PARD3B: variants seen among roughly 807,000 people sequenced by gnomAD.
The protein encoded by PARD3B is partitioning defective 3 homolog B.
PARD3B carries 103 observed loss-of-function variants against 130.2 expected under a neutral mutation model. The ratio of observed to expected loss-of-function variants is 0.79; its 90% CI spans 0.67 to 0.93. The LOEUF is 0.93. Ranked by LOEUF, PARD3B falls within the 40% of genes least tolerant of loss-of-function variation. PARD3B has a pLI of 0.00. For missense variants in PARD3B, 1,609 were observed against 1,499.2 expected (o/e 1.07, Z -1.21); for synonymous variants, 583 against 553.2 (o/e 1.05, Z -0.76).
At chr2:205,385,582 A>G (rs571177098) in intron 18 of PARD3B, among the ~76,000 whole-genome samples, 2 of 152,230 alleles carry the variant, frequency 1.3e-5, no homozygotes, top group East Asian at 3.9e-4. Flanking sequence ...ATTCTACTTC[A>G]TCTACCAAGT....
chr2:205,501,936 G>A (rs919576521), intron 21 of PARD3B, among the ~76,000 whole-genome samples: 1 of 152,070 alleles, frequency 6.6e-6, no homozygotes, highest in Non-Finnish European at 1.5e-5. Flanking sequence ...CCATGCTCCG[G>A]TGTGTTGAGC....
intron 16 of PARD3B, among the ~76,000 whole-genome samples, chr2:205,272,645 G>C (rs1002294120): frequency 1.3e-5 from 2 of 152,158 alleles, no homozygotes; most frequent in South Asian, 2.1e-4. Flanking sequence ...CTGGCCTCCT[G>C]CGTCTCCATC....
rs1242541799 is a variant in PARD3B, at chr2:204,620,108, TC to T, written c.121-66072del. ...CCTCTGCCTCCTGGGTTCAAGCAAT[TC>T]TCCTGCCACAGCCTCCCAAGTAGCT... On this transcript the variant is annotated intron_variant, in intron 1 of 22. Coordinates refer to ENST00000406610, the MANE Select transcript of PARD3B (RefSeq NM_001302769.2). 1.6e-4 allele frequency among the ~76,000 whole-genome samples: 24 copies of T among 152,198 alleles called. No homozygotes were observed. In the East Asian group the frequency reaches 4.5e-3, roughly 28 times the overall value.
chr2:205,516,707 T>A (rs2050804755), intron 21 of PARD3B, among the ~76,000 whole-genome samples: 1 of 152,188 alleles, frequency 6.6e-6, no homozygotes, highest in African/African-American at 2.4e-5. Context: ...AATCATATCG[T>A]CTGCAAACAG....
At chr2:205,048,366 C>T (rs1698946565) in intron 4 of PARD3B, 1 of 152,134 alleles carries the variant, frequency 6.6e-6, no homozygotes, top group Non-Finnish European at 1.5e-5. Context: ...AGAATAATTT[C>T]CTGAAGAGAT....
At chr2:205,598,500 G>A (rs1283979693) in intron 22 of PARD3B, among the ~76,000 whole-genome samples, 1 of 152,002 alleles carries the variant, frequency 6.6e-6, no homozygotes, top group Admixed American at 6.6e-5. Context: ...AAGAAACTTA[G>A]CCACACAATA....
In PARD3B at chr2:205,148,879, G is replaced by T. The variant is rs77680144; in HGVS notation, c.1435-9843G>T. Among the ~76,000 whole-genome samples the T allele has an allele frequency of 6.7e-4, 102 of 152,272 alleles. No individual in the cohort carries two copies. In the East Asian group the frequency reaches 0.018, roughly 26 times the overall value. On this transcript the variant is annotated intron_variant, in intron 10 of 22. Transcript: ENST00000406610. ...AGGCAAAGACATCCAGAGGTTGCTC[G>T]TGCTGAGCCAAGAGCACAGCATTTA...
At chr2:204,814,720 A>T (rs1378992943) in intron 2 of PARD3B, among the ~76,000 whole-genome samples, 2 of 151,522 alleles carry the variant, frequency 1.3e-5, no homozygotes, top group Non-Finnish European at 3.0e-5. Flanking sequence ...CCCTTTTTCC[A>T]GTTTCCTTCT....
At chr2:204,882,377 T>G (rs1163984146) in intron 2 of PARD3B, among the ~76,000 whole-genome samples, 1 of 152,188 alleles carries the variant, frequency 6.6e-6, no homozygotes, top group African/African-American at 2.4e-5. Context: ...AATCAGATAA[T>G]CCTTCTATAA....
chr2:204,907,473 G>T lies in PARD3B; in HGVS notation c.223-57679G>T, dbSNP rs1426153696. Among the ~76,000 whole-genome samples, 1 of 151,966 alleles carries T rather than the reference G, an allele frequency of 6.6e-6. No individual in the cohort carries two copies. The highest frequency in any genetic ancestry group is 2.4e-5 in the African/African-American group (1 of 41,368). ...ATTCCCAATGCAGCTAATTTCTCTG[G>T]AGCCCCCTGCTACTAATGCAGAATA... is the stretch of plus-strand genomic sequence containing the variant. On this transcript the variant is annotated intron_variant, in intron 2 of 22. Coordinates refer to ENST00000406610, the MANE Select transcript of PARD3B (RefSeq NM_001302769.2). The surrounding 1 kb of genome is among the most constrained non-coding windows in gnomAD (Gnocchi z 5.7).
At chr2:205,259,136 T>C (rs2105755039) in intron 16 of PARD3B, among the ~76,000 whole-genome samples, 1 of 152,270 alleles carries the variant, frequency 6.6e-6, no homozygotes, top group Admixed American at 6.5e-5. Context: ...AAATTATATA[T>C]TAATTTCAGT....
chr2:205,559,420 A>G (rs926630066), intron 22 of PARD3B, among the ~76,000 whole-genome samples: 3 of 152,132 alleles, frequency 2.0e-5, no homozygotes, highest in African/African-American at 4.8e-5. Flanking sequence ...TGCCGGGATT[A>G]TAGGCATGAG....
At chr2:204,629,779 C>T (rs1294623684) in intron 1 of PARD3B, among the ~76,000 whole-genome samples, 1 of 152,124 alleles carries the variant, frequency 6.6e-6, no homozygotes, top group African/African-American at 2.4e-5. Flanking sequence ...GGCAGTGATT[C>T]TGAATTATAT....
At chr2:204,727,014 G>T (rs1201064690) in intron 2 of PARD3B, among the ~76,000 whole-genome samples, 1 of 152,106 alleles carries the variant, frequency 6.6e-6, no homozygotes, top group Non-Finnish European at 1.5e-5. Flanking sequence ...CGCCCTGCAC[G>T]TTCTGCTGTT....
At chr2:205,132,794 C>T (rs1298265679) in intron 10 of PARD3B, among the ~76,000 whole-genome samples, 1 of 152,124 alleles carries the variant, frequency 6.6e-6, no homozygotes, top group Non-Finnish European at 1.5e-5. Flanking sequence ...ATAAAAGCAA[C>T]ACCTACCTTG....
chr2:205,619,844 C>A lies in PARD3B; in HGVS notation c.*4031C>A, dbSNP rs1248325215. 6.6e-6 allele frequency: 1 copy of A among 152,182 alleles called. No homozygotes were observed. Among genetic ancestry groups the A allele is most frequent in the African/African-American group, 2.4e-5 (1 of 41,430 alleles). 9.4% of individuals were successfully genotyped at this position (152,182 alleles called of 1,614,324 possible). A position where few individuals can be genotyped will look rare whatever the true frequency, so the allele number is the denominator to read the frequency against. ...AAGACTCTTCTAACCTGTCTCCTGA[C>A]TGGGCTCCTTCAGAAAGTGTTCTCC... On this transcript the variant is annotated 3_prime_UTR_variant, in exon 23 of 23. Coordinates refer to ENST00000406610, the MANE Select transcript of PARD3B (RefSeq NM_001302769.2).
At chr2:205,260,999 C>G (rs759815749) in intron 16 of PARD3B, among the ~76,000 whole-genome samples, 1 of 151,928 alleles carries the variant, frequency 6.6e-6, no homozygotes, top group Non-Finnish European at 1.5e-5. Flanking sequence ...AAGGCAATCT[C>G]AAATTGCAAG....
intron 10 of PARD3B, among the ~76,000 whole-genome samples, chr2:205,130,222 G>C (rs577432569): frequency 6.6e-6 from 1 of 152,184 alleles, no homozygotes; most frequent in Non-Finnish European, 1.5e-5. Flanking sequence ...GGTACTTTGA[G>C]ATTAGTTTTG....
At position 205,021,594 on chromosome 2, in the gene PARD3B, T is replaced by TTCTCTC. The variant is rs372636581; in HGVS notation, c.395-25966_395-25961dup. ...TATGCTCTCTTCTCTCTCTCTTCTC[T>TTCTCTC]TCTCTCTCTCTCTCTCTCTCTCTCT... is the stretch of plus-strand genomic sequence containing the variant. On this transcript the variant is annotated intron_variant, in intron 3 of 22. Coordinates refer to ENST00000406610, the MANE Select transcript of PARD3B (RefSeq NM_001302769.2). This position sits in a 1 kb window ranked among gnomAD's most constrained non-coding sequence, Gnocchi z 4.5. Among the ~76,000 whole-genome samples the TTCTCTC allele has an allele frequency of 6.2e-5, 9 of 144,790 alleles. No homozygotes were observed. The highest frequency in any genetic ancestry group is 1.8e-4 in the African/African-American group (7 of 39,072). The allele number at this position is 144,790 out of a possible 152,430, so 95.0% of individuals were successfully genotyped here.
Sources: allele counts gnomAD v4.1 joint callset (sites outside exome capture counted in the v4.1 genomes callset), GRCh38; gene constraint gnomAD v4.1.1; non-coding constraint Gnocchi (gnomAD v3.1); transcripts MANE v1.5; gene names NCBI Gene and HGNC (gene_info 2026-07-23, HGNC 2026-07-21).